MAP3K12: variants seen among roughly 807,000 people sequenced by gnomAD.
The protein encoded by MAP3K12 is MAPK-upstream kinase.
A neutral mutation model predicts 87.5 loss-of-function variants in MAP3K12; 14 were observed. That is an observed-to-expected ratio of 0.16 (90% CI 0.11 to 0.25). MAP3K12 has a LOEUF of 0.25. MAP3K12 is among the 10% of genes least tolerant of loss of function. The pLI is 1.00. For synonymous variants in MAP3K12, 469 were observed against 452.5 expected, an observed-to-expected ratio of 1.04 and a Z score of -0.46; for missense variants, 802 against 1,140.4, an observed-to-expected ratio of 0.70 and a Z score of 4.27.
At position 53,483,600 on chromosome 12, in the gene MAP3K12, G is replaced by C. The variant is rs781377164; in HGVS notation, c.1475+7C>G. The stretch of plus-strand genomic sequence containing the variant: ...AGGGCTTGGTGCATAAGGACAGGTA[G>C]GGTTACCTGAGCAGCTCCCTCTCCT... On this transcript the variant is annotated splice_region_variant and intron_variant, in intron 9 of 13. Transcript: ENST00000547488. The C allele has an allele frequency of 2.5e-6, 4 of 1,613,744 alleles. No individual in the cohort carries two copies. The highest frequency in any genetic ancestry group is 1.3e-5 in the African/African-American group (1 of 74,900).
chr12:53,493,123 T>G (rs1421460113), intron 1 of MAP3K12: 2 of 152,374 alleles, frequency 1.3e-5, no homozygotes, highest in African/African-American at 4.8e-5. Context: ...GGGGAAGCGC[T>G]GGGCGCTGCG....
intron 1 of MAP3K12, among the ~76,000 whole-genome samples, chr12:53,495,541 CAAAAAAAAAA>C (rs57850924): frequency 1.0e-4 from 5 of 48,060 alleles, no homozygotes; most frequent in Admixed American, 2.6e-4. Flanking sequence ...GACTCCATCT[CAAAAAAAAAA>C]AAAAAAAAAA....
intron 6 of MAP3K12, 47 bp from the exon 7 acceptor site, chr12:53,484,412 A>C: frequency 9.5e-6 from 13 of 1,374,184 alleles, no homozygotes; most frequent in African/African-American, 1.4e-5. Context: ...TTGAGGGAGG[A>C]TCAGATAGGA....
chr12:53,493,817 C>T (rs1670930106), intron 1 of MAP3K12: 1 of 152,282 alleles, frequency 6.6e-6, no homozygotes, highest in Non-Finnish European at 1.5e-5. Flanking sequence ...CCCTCCAGTT[C>T]ACCAGGCTTC....
In MAP3K12 at chr12:53,482,001, G is replaced by T. The variant is rs768709053; in HGVS notation, c.2520C>A (p.Val840=). ...GGGAGCTGGGTTCAGGGCCAGGGAT[G>T]ACCTCTGAAGGAGGTGGGTCCAGTG... The part of the protein sequence containing the change: ...EIPLDPPPSE[V]IPGPEPSSLP... Residue 840 remains valine (V), a synonymous_variant, in exon 13 of 14, where the codon GTC becomes GTA. Coordinates refer to ENST00000547488, the MANE Select transcript of MAP3K12 (RefSeq NM_001193511.2). 4.3e-6 allele frequency: 7 copies of T among 1,614,074 alleles called. No individual in the cohort carries two copies. Among genetic ancestry groups the T allele is most frequent in the Non-Finnish European group, 5.9e-6 (7 of 1,180,032 alleles).
Position 53,486,232 on chromosome 12 carries a change from C to T in MAP3K12, c.645G>A (p.Gln215=). ...NIITFKGVCT[Q]APCYCILMEF... The stretch of plus-strand genomic sequence containing the variant: ...CCATGAGGATGCAGTAGCAGGGAGC[C>T]TGGGTGCACACACCCCTGGGAGCCA... The change falls in exon 4 of 14, where the codon CAG becomes CAA. Residue 215 remains glutamine (Q), a synonymous_variant. Transcript: ENST00000547488. This position sits in a 1 kb window ranked among gnomAD's most constrained non-coding sequence, Gnocchi z 4.9. 13 of 1,607,850 alleles carry T rather than the reference C, an allele frequency of 8.1e-6. No homozygotes were observed. Among genetic ancestry groups the T allele is most frequent in the Non-Finnish European group, 1.1e-5 (13 of 1,176,614 alleles).
rs1943030405 is a variant in MAP3K12 at position 53,481,299 on chromosome 12, A to G, written c.2581-19T>C. On this transcript the variant is annotated intron_variant, in intron 13 of 13. Coordinates refer to ENST00000547488, the MANE Select transcript of MAP3K12 (RefSeq NM_001193511.2). ...GAGGGCCCTGTGAGAAAGAGTAGAA[A>G]TGGAGTGAGATTCCTTGGGGTTCTT... 18 of 1,424,022 alleles carry G rather than the reference A, an allele frequency of 1.3e-5. No homozygotes were observed. Among genetic ancestry groups the G allele is most frequent in the Non-Finnish European group, 1.7e-5 (18 of 1,057,790 alleles). 88.2% of individuals were successfully genotyped at this position (1,424,022 alleles called of 1,614,324 possible). A position where few individuals can be genotyped will look rare whatever the true frequency, so the allele number is the denominator to read the frequency against.
At position 53,487,327 on chromosome 12, in the gene MAP3K12, C is replaced by T; in HGVS notation, c.65G>A (p.Ser22Asn). 1 of 1,614,026 alleles carries T rather than the reference C, an allele frequency of 6.2e-7. No individual in the cohort carries two copies. Among genetic ancestry groups the T allele is most frequent in the Non-Finnish European group, 8.5e-7 (1 of 1,179,982 alleles). Residue 22 changes from serine (S) to asparagine (N), a missense_variant, in exon 2 of 14, where the codon AGT (serine) becomes AAT (asparagine). Ser to Asn is a conservative substitution (Grantham distance 46). Transcript: ENST00000547488. ...PSFGGFVSTLSEASMRKLDPD... is the reference protein window; with the variant it reads ...PSFGGFVSTLNEASMRKLDPD... ...GTCCAGCTTGCGCATGGATGCCTCACTTAGGGTAGACACAAAGCCCCCAAA... is the reference window on the plus strand; with the variant it reads ...GTCCAGCTTGCGCATGGATGCCTCATTTAGGGTAGACACAAAGCCCCCAAA...
intron 8 of MAP3K12, 57 bp from the exon 9 acceptor site, chr12:53,483,780 G>A (rs1943147350): frequency 6.2e-7 from 1 of 1,612,332 alleles, no homozygotes; most frequent in Non-Finnish European, 8.5e-7. Context: ...GGCCATAACA[G>A]ATCTCAGTCT....
chr12:53,493,266 G>A (rs1377780953), intron 1 of MAP3K12, among the ~76,000 whole-genome samples: 1 of 152,108 alleles, frequency 6.6e-6, no homozygotes, highest in Non-Finnish European at 1.5e-5. Context: ...GGCCCAGGTG[G>A]CTGGTTGCCG....
At chr12:53,498,013 C>T (rs371841257) in intron 1 of MAP3K12, among the ~76,000 whole-genome samples, 3 of 152,308 alleles carry the variant, frequency 2.0e-5, no homozygotes, top group East Asian at 1.9e-4. Context: ...TGAGCCATGT[C>T]TAACTTCTTG....
chr12:53,481,764 C>G (rs1943056781), intron 13 of MAP3K12, 177 bp downstream of exon 13: 2 of 699,782 alleles, frequency 2.9e-6, no homozygotes, highest in African/African-American at 1.8e-5. Context: ...AGCTACTGGT[C>G]AGGCATCGTA....
rs536683050 is a variant in MAP3K12 at position 53,496,993 on chromosome 12, T to C, written c.-38+2434A>G. On this transcript the variant is annotated intron_variant, in intron 1 of 13. Transcript: ENST00000547488. ...CTAAACGGGGACAGTGGTACCTATGTCCCACAGTGGCAATGCAGTACATAA... is the reference window on the plus strand; with the variant it reads ...CTAAACGGGGACAGTGGTACCTATGCCCCACAGTGGCAATGCAGTACATAA... Among the ~76,000 whole-genome samples the C allele has an allele frequency of 7.9e-5, 12 of 152,316 alleles. No individual in the cohort carries two copies. The South Asian group carries it at 1.9e-3, about 24-fold the overall frequency.
At chr12:53,492,530 T>G (rs767625721) in intron 1 of MAP3K12, among the ~76,000 whole-genome samples, 2 of 152,170 alleles carry the variant, frequency 1.3e-5, no homozygotes, top group African/African-American at 2.4e-5. Context: ...GAGGTACTAC[T>G]GGTCCCATTA....
chr12:53,483,019 A>G lies in MAP3K12; in HGVS notation c.1784T>C (p.Leu595Pro), dbSNP rs747818841. The G allele has an allele frequency of 1.0e-5, 16 of 1,558,498 alleles. No individual in the cohort carries two copies. Residue 595 changes from leucine (L) to proline (P), a missense_variant, in exon 11 of 14, where the codon CTT becomes CCT. By Grantham distance (98) the Leu-to-Pro change is moderately conservative (BLOSUM62 -3). Coordinates refer to ENST00000547488, the MANE Select transcript of MAP3K12 (RefSeq NM_001193511.2). ...TTCATGGGGTGGCACAGCTGTACGA[A>G]GCCCAGGCAGGTCCCCACAGCTCCC... ...AKGSCGDLPG[L>P]RTAVPPHEPG...
At chr12:53,485,574 G>C (rs1034973074) in intron 4 of MAP3K12, 99 bp from the exon 5 acceptor site, 4 of 1,367,206 alleles carry the variant, frequency 2.9e-6, no homozygotes, top group Non-Finnish European at 3.0e-6. Context: ...TTGTTTGTTT[G>C]AGACGGAGTC....
chr12:53,481,424 A>G, intron 13 of MAP3K12, 144 bp from the exon 14 acceptor site: 3 of 360,270 alleles, frequency 8.3e-6, no homozygotes, highest in Non-Finnish European at 1.5e-5. Flanking sequence ...ATCTCGGCTC[A>G]CTGCAACCTC....
At chr12:53,501,539 T>C, upstream of MAP3K12, 2 of 1,545,296 alleles carry the variant, frequency 1.3e-6, no homozygotes, top group Non-Finnish European at 1.7e-6. Context: ...GGCCCCAGCA[T>C]GCACCTGGCC....
Position 53,482,542 on chromosome 12 carries a change from T to G in MAP3K12, c.2238+23A>C, listed in dbSNP as rs201276293. Reference sequence around the variant, plus strand: ...GAGGATAAGGAAAAAGGGAAAGAGCTTGGGAGCCTTCCCATACTTTACCTG... The same window carrying G: ...GAGGATAAGGAAAAAGGGAAAGAGCGTGGGAGCCTTCCCATACTTTACCTG... On this transcript the variant is annotated intron_variant, in intron 11 of 13. Coordinates refer to ENST00000547488, the MANE Select transcript of MAP3K12 (RefSeq NM_001193511.2). 2.5e-6 allele frequency: 4 copies of G among 1,596,714 alleles called. No homozygotes were observed. The African/African-American group carries it at 5.4e-5, about 22-fold the overall frequency.
Sources: allele counts gnomAD v4.1 joint callset (sites outside exome capture counted in the v4.1 genomes callset), GRCh38; gene constraint gnomAD v4.1.1; non-coding constraint Gnocchi (gnomAD v3.1); transcripts MANE v1.5; gene names NCBI Gene and HGNC (gene_info 2026-07-23, HGNC 2026-07-21).